NUP62: variants seen among roughly 807,000 people sequenced by gnomAD.
NUP62 encodes the protein nucleoporin 62.
For synonymous variants in NUP62, 305 were observed against 303.4 expected (o/e 1.01, Z -0.05); for missense variants, 647 against 689.4 (o/e 0.94, Z 0.69).
intron 2 of NUP62, 92 bp from the exon 3 acceptor site, chr19:49,909,976 G>A (rs2075422055): frequency 1.4e-6 from 1 of 730,590 alleles, no homozygotes; most frequent in African/African-American, 1.7e-5. Flanking sequence ...AGGGTGGTGG[G>A]ATGGGATAAT....
In NUP62 at chr19:49,924,402, C is replaced by G. The variant is rs544643726; in HGVS notation, c.-78+3292G>C. On this transcript the variant is annotated intron_variant, in intron 2 of 2. Coordinates refer to ENST00000352066, the MANE Select transcript of NUP62 (RefSeq NM_016553.5). ...GGGTTCTCCCTTATCCAAGGCTCTG[C>G]TAACCGGGAGCGGTTGCCAGGTGTG... is the stretch of plus-strand genomic sequence containing the variant. 3.3e-5 allele frequency among the ~76,000 whole-genome samples: 5 copies of G among 152,306 alleles called. No individual in the cohort carries two copies. The East Asian group carries it at 5.8e-4, about 18-fold the overall frequency.
At chr19:49,927,103 T>C (rs2075914009) in intron 2 of NUP62, among the ~76,000 whole-genome samples, 3 of 152,050 alleles carry the variant, frequency 2.0e-5, no homozygotes, top group Admixed American at 2.0e-4. Flanking sequence ...TCAAGCAATC[T>C]GCCCACCTCA....
intron 2 of NUP62, chr19:49,917,554 G>A (rs1003539607): frequency 6.6e-6 from 1 of 152,276 alleles, no homozygotes; most frequent in African/African-American, 2.4e-5. Context: ...GAGTGCCTTG[G>A]GAGCATGAGA....
rs1314592143 is a variant in NUP62, at chr19:49,908,930, T to C, written c.878A>G (p.Asn293Ser). Residue 293 changes from asparagine (N) to serine (S), a missense_variant, in exon 3 of 3, where the codon AAT becomes AGT. Coordinates refer to ENST00000352066, the MANE Select transcript of NUP62 (RefSeq NM_016553.5). ...SSSSTTGFAL[N>S]LKPLAPAGIP... The stretch of plus-strand genomic sequence containing the variant: ...CCCGGCTGGCGCCAGTGGTTTTAAA[T>C]TCAAGGCAAAGCCGGTGGTGCTGCT... 6.2e-7 allele frequency: 1 copy of C among 1,608,354 alleles called. No individual in the cohort carries two copies. Among genetic ancestry groups the C allele is most frequent in the Non-Finnish European group, 8.5e-7 (1 of 1,177,524 alleles).
intron 2 of NUP62, among the ~76,000 whole-genome samples, chr19:49,922,743 C>T (rs1031372919): frequency 9.9e-5 from 15 of 152,084 alleles, no homozygotes; most frequent in Non-Finnish European, 1.3e-4. Flanking sequence ...CAGCTTCTCC[C>T]GTGAAACCAG....
chr19:49,910,995 C>T (rs1162343138), intron 2 of NUP62: 1 of 152,228 alleles, frequency 6.6e-6, no homozygotes, highest in African/African-American at 2.4e-5. Flanking sequence ...CCTCAACCTC[C>T]TGGACCCAAG....
At position 49,907,557 on chromosome 19, in the gene NUP62, T is replaced by C. The variant is rs1034678771; in HGVS notation, c.*682A>G. The C allele has an allele frequency of 3.3e-5, 13 of 388,756 alleles. No homozygotes were observed. The highest frequency in any genetic ancestry group is 6.0e-5 in the Non-Finnish European group (12 of 200,740). 24.1% of individuals were successfully genotyped at this position (388,756 alleles called of 1,614,324 possible). ...AGTTTCTTTTTTTTTTTTTTTTTTTTTGAGACAGAGTCTCTGTTGCCTAGG... is the reference window on the plus strand; with the variant it reads ...AGTTTCTTTTTTTTTTTTTTTTTTTCTGAGACAGAGTCTCTGTTGCCTAGG... On this transcript the variant is annotated 3_prime_UTR_variant, in exon 3 of 3. Transcript: ENST00000352066.
intron 2 of NUP62, among the ~76,000 whole-genome samples, chr19:49,925,119 T>A (rs1240798027): frequency 6.6e-6 from 1 of 151,692 alleles, no homozygotes. Flanking sequence ...AAATTAGCCA[T>A]GTGTGGTGAC....
chr19:49,920,400 T>C (rs1369340182), intron 2 of NUP62, among the ~76,000 whole-genome samples: 2 of 152,078 alleles, frequency 1.3e-5, no homozygotes, highest in Non-Finnish European at 2.9e-5. Context: ...CTTTTTAGCG[T>C]GATGAAAATG....
At chr19:49,919,151 C>T (rs1382396080) in intron 2 of NUP62, among the ~76,000 whole-genome samples, 2 of 152,088 alleles carry the variant, frequency 1.3e-5, no homozygotes, top group East Asian at 3.8e-4. Flanking sequence ...GAAACTCGGT[C>T]TCAAAAAAAC....
Position 49,921,776 on chromosome 19 carries a change from A to G in NUP62, c.-78+5918T>C, listed in dbSNP as rs2075771032. Among the ~76,000 whole-genome samples, 1 of 152,154 alleles carries G rather than the reference A, an allele frequency of 6.6e-6. No individual in the cohort carries two copies. The highest frequency in any genetic ancestry group is 1.5e-5 in the Non-Finnish European group (1 of 68,000). ...TCTCCCCGCAGCTCCGACCATGACCATCCATCCTATGAGTGCTGGCTGGGC... is the reference window on the plus strand; with the variant it reads ...TCTCCCCGCAGCTCCGACCATGACCGTCCATCCTATGAGTGCTGGCTGGGC... On this transcript the variant is annotated intron_variant, in intron 2 of 2. Coordinates refer to ENST00000352066, the MANE Select transcript of NUP62 (RefSeq NM_016553.5). The surrounding 1 kb of genome is among the most constrained non-coding windows in gnomAD (Gnocchi z 5.4).
At chr19:49,928,973 G>A (rs2075986143) in intron 1 of NUP62, 1 of 152,616 alleles carries the variant, frequency 6.6e-6, no homozygotes, top group Admixed American at 6.5e-5. Context: ...GGAGCCACAA[G>A]GAGAGGGCTG....
chr19:49,920,819 C>T (rs1328939811), intron 2 of NUP62, among the ~76,000 whole-genome samples: 5 of 152,288 alleles, frequency 3.3e-5, no homozygotes, highest in Admixed American at 6.5e-5. Flanking sequence ...CTGAGAGCAG[C>T]GGACAGGCGT....
chr19:49,925,380 GA>G (rs1232324189), intron 2 of NUP62, among the ~76,000 whole-genome samples: 4 of 150,050 alleles, frequency 2.7e-5, no homozygotes, highest in Non-Finnish European at 5.9e-5. Flanking sequence ...TTGAGCCCAG[GA>G]ATCAGGAATT....
At chr19:49,914,726 G>GTTT (rs530372497) in intron 2 of NUP62, among the ~76,000 whole-genome samples, 7,445 of 56,166 alleles carry the variant, frequency 0.13, 2,314 homozygotes, top group Middle Eastern at 0.24. Context: ...CCAAGTCCCA[G>GTTT]TTTTTTTTTT....
intron 2 of NUP62, among the ~76,000 whole-genome samples, chr19:49,914,727 T>G (rs1441491330): frequency 5.5e-5 from 2 of 36,188 alleles, no homozygotes; most frequent in South Asian, 1.0e-3. Context: ...CAAGTCCCAG[T>G]TTTTTTTTTT....
intron 2 of NUP62, among the ~76,000 whole-genome samples, chr19:49,919,682 C>T (rs763883178): frequency 2.5e-4 from 38 of 152,220 alleles, no homozygotes; most frequent in Middle Eastern, 3.4e-3. Context: ...GAGCTCTGGT[C>T]GCAGGACCAA....
chr19:49,928,158 C>T (rs570363191), intron 1 of NUP62: 112 of 152,354 alleles, frequency 7.4e-4, no homozygotes, highest in African/African-American at 2.6e-3. Flanking sequence ...GTTGGACAGT[C>T]CAACGTCTGC....
chr19:49,925,367 C>A (rs1467303034), intron 2 of NUP62, among the ~76,000 whole-genome samples: 1 of 150,930 alleles, frequency 6.6e-6, no homozygotes, highest in East Asian at 1.9e-4. Context: ...GCAGGAGGAT[C>A]GTTTGAGCCC....
Sources: allele counts gnomAD v4.1 joint callset (sites outside exome capture counted in the v4.1 genomes callset), GRCh38; gene constraint gnomAD v4.1.1; non-coding constraint Gnocchi (gnomAD v3.1); transcripts MANE v1.5; gene names NCBI Gene and HGNC (gene_info 2026-07-23, HGNC 2026-07-21).